Variants in SNX10 observed in about 807,000 individuals in gnomAD.
The protein encoded by SNX10 is sorting nexin-10.
A neutral mutation model predicts 28.5 loss-of-function variants in SNX10; 25 were observed. That is an observed-to-expected ratio of 0.88 (90% CI 0.64 to 1.22). The LOEUF (loss-of-function observed/expected upper bound fraction) is 1.22. Ranked by LOEUF, SNX10 falls within the 50% of genes most tolerant of loss-of-function variation. The pLI is 0.00. For missense variants in SNX10, 223 were observed against 242.6 expected, an observed-to-expected ratio of 0.92 and a Z score of 0.54; for synonymous variants, 62 against 81.4, an observed-to-expected ratio of 0.76 and a Z score of 1.28.
chr7:26,326,294 T>C (rs191619687), intron 1 of SNX10, among the ~76,000 whole-genome samples: 11 of 152,340 alleles, frequency 7.2e-5, no homozygotes, highest in African/African-American at 2.6e-4. Flanking sequence ...TTGTGAAAGA[T>C]AAAGGCACTT....
chr7:26,354,026 CT>C (rs1788718252), intron 2 of SNX10: 1 of 152,186 alleles, frequency 6.6e-6, no homozygotes, highest in Non-Finnish European at 1.5e-5. Context: ...CTTTTGTGAT[CT>C]TTCTGTAATC....
chr7:26,298,881 C>T (rs1045644721), intron 1 of SNX10, among the ~76,000 whole-genome samples: 1 of 152,206 alleles, frequency 6.6e-6, no homozygotes, highest in African/African-American at 2.4e-5. Flanking sequence ...TTGGTATCTC[C>T]GCTTGGTGTC....
chr7:26,317,188 AGAT>A lies in SNX10; in HGVS notation c.-24+25107_-24+25109del, dbSNP rs1236524561. ...TTCTTATGATAAGAGTTACAGAGGA[AGAT>A]GATGGTACAAGGGAAGCTACCTAGG... On this transcript the variant is annotated intron_variant, in intron 1 of 6. Transcript: ENST00000338523. Among the ~76,000 whole-genome samples, 9 of 152,328 alleles carry A rather than the reference AGAT, an allele frequency of 5.9e-5. No individual in the cohort carries two copies. In the East Asian group the frequency reaches 1.7e-3, roughly 29 times the overall value.
intron 1 of SNX10, among the ~76,000 whole-genome samples, chr7:26,335,974 G>A (rs1432505819): frequency 6.6e-6 from 1 of 151,510 alleles, no homozygotes; most frequent in Non-Finnish European, 1.5e-5. Context: ...CTCGTGATCC[G>A]CCCGCCTCGG....
At chr7:26,314,131 C>T (rs1002208592) in intron 1 of SNX10, among the ~76,000 whole-genome samples, 11 of 152,116 alleles carry the variant, frequency 7.2e-5, no homozygotes, top group Non-Finnish European at 1.6e-4. Flanking sequence ...GAATTTCTGA[C>T]AGGTAACAAA....
chr7:26,292,899 TACAACCTGGCA>T (rs1245167811), intron 1 of SNX10, among the ~76,000 whole-genome samples: 1 of 152,224 alleles, frequency 6.6e-6, no homozygotes. Flanking sequence ...GAACCAGGCC[TACAACCTGGCA>T]GGCTTCTGAC....
chr7:26,319,670 G>T (rs1386199462), intron 1 of SNX10, among the ~76,000 whole-genome samples: 3 of 152,180 alleles, frequency 2.0e-5, no homozygotes, highest in Admixed American at 2.0e-4. Flanking sequence ...AACCCATTTG[G>T]ATTTGCTCTG....
chr7:26,331,748 C>A (rs555086496), intron 1 of SNX10, among the ~76,000 whole-genome samples: 1 of 152,202 alleles, frequency 6.6e-6, no homozygotes, highest in African/African-American at 2.4e-5. Flanking sequence ...CTCCCCTACC[C>A]ACCAAGTTCT....
chr7:26,308,901 T>C (rs1388247036), intron 1 of SNX10, among the ~76,000 whole-genome samples: 1 of 152,158 alleles, frequency 6.6e-6, no homozygotes, highest in Non-Finnish European at 1.5e-5. Context: ...ACCCAGCTGG[T>C]ATCTACTGCA....
chr7:26,369,593 C>T (rs1034479148), intron 5 of SNX10, among the ~76,000 whole-genome samples: 8 of 152,194 alleles, frequency 5.3e-5, no homozygotes, highest in South Asian at 2.1e-4. Context: ...TGTACCTAGC[C>T]GACTCACTGG....
At chr7:26,358,872 G>A (rs970538311) in intron 2 of SNX10, among the ~76,000 whole-genome samples, 6 of 139,016 alleles carry the variant, frequency 4.3e-5, no homozygotes, top group Admixed American at 1.5e-4. Flanking sequence ...ATTTAGTGGC[G>A]TGATCTTGCT....
chr7:26,305,809 T>G (rs1163167302), intron 1 of SNX10, among the ~76,000 whole-genome samples: 1 of 152,260 alleles, frequency 6.6e-6, no homozygotes, highest in East Asian at 1.9e-4. Context: ...ACATGTCAAA[T>G]GCCCTTGGAT....
At position 26,334,001 on chromosome 7, in the gene SNX10, T is replaced by A. The variant is rs78533811; in HGVS notation, c.-23-12419T>A. On this transcript the variant is annotated intron_variant, in intron 1 of 6. Coordinates refer to ENST00000338523, the MANE Select transcript of SNX10 (RefSeq NM_013322.3). ...GGACTAATTAACACTAATATTTAAA[T>A]CACTAATACCACTCCCCCAGCTTCT... 1.6e-3 allele frequency among the ~76,000 whole-genome samples: 237 copies of A among 152,280 alleles called. 8 individuals are homozygous for A. In the East Asian group the frequency reaches 0.041, roughly 26 times the overall value.
chr7:26,366,464 C>T (rs1295397260), intron 5 of SNX10, among the ~76,000 whole-genome samples: 1 of 152,182 alleles, frequency 6.6e-6, no homozygotes, highest in African/African-American at 2.4e-5. Flanking sequence ...GAGCCAAGTC[C>T]TCCGAAAACA....
chr7:26,323,552 G>A (rs1277737299), intron 1 of SNX10, among the ~76,000 whole-genome samples: 1 of 152,164 alleles, frequency 6.6e-6, no homozygotes, highest in Non-Finnish European at 1.5e-5. Flanking sequence ...AGGCACCCAG[G>A]AGGCGGCAGG....
chr7:26,333,104 A>G (rs1218796373), intron 1 of SNX10, among the ~76,000 whole-genome samples: 1 of 152,152 alleles, frequency 6.6e-6, no homozygotes, highest in African/African-American at 2.4e-5. Context: ...CAGTTTGTAC[A>G]AAGAAGACAT....
chr7:26,333,141 G>C (rs1427569279), intron 1 of SNX10, among the ~76,000 whole-genome samples: 1 of 152,090 alleles, frequency 6.6e-6, no homozygotes, highest in African/African-American at 2.4e-5. Context: ...GATCGTGCTT[G>C]AATCCATAGA....
rs865928606 is a variant in SNX10, at chr7:26,317,043, T to G, written c.-24+24957T>G. 7.9e-5 allele frequency among the ~76,000 whole-genome samples: 12 copies of G among 152,168 alleles called. No individual in the cohort carries two copies. In the South Asian group the frequency reaches 8.3e-4, roughly 10 times the overall value. On this transcript the variant is annotated intron_variant, in intron 1 of 6. Transcript: ENST00000338523. ...CAAGATCGAGGCCGGAGATGCTAAA[T>G]AAACAAGAATAGTGAGGAGCCATGC...
chr7:26,308,067 A>G (rs1786665753), intron 1 of SNX10, among the ~76,000 whole-genome samples: 1 of 152,154 alleles, frequency 6.6e-6, no homozygotes, highest in Non-Finnish European at 1.5e-5. Flanking sequence ...AATGCTTACC[A>G]CAGCCTGTGA....
Sources: gnomAD v4.1 joint callset for allele counts (sites outside exome capture counted in the v4.1 genomes callset) on GRCh38, gnomAD v4.1.1 for gene constraint, MANE v1.5 for transcripts, NCBI Gene and HGNC (gene_info 2026-07-23, HGNC 2026-07-21) for gene names.